Variants in KCNH1 observed in about 807,000 individuals in gnomAD.
KCNH1 encodes voltage-gated delayed rectifier potassium channel KCNH1.
A neutral mutation model predicts 69.2 loss-of-function variants in KCNH1; 27 were observed. The ratio of observed to expected loss-of-function variants is 0.39; its 90% CI spans 0.29 to 0.54. The LOEUF (loss-of-function observed/expected upper bound fraction) is 0.54, where lower values mean the gene tolerates loss of function less well. Ranked by LOEUF, KCNH1 falls within the 20% of genes least tolerant of loss-of-function variation. The pLI is 0.68. For missense variants in KCNH1, 798 were observed against 1,261.6 expected, an observed-to-expected ratio of 0.63 and a Z score of 5.57; for synonymous variants, 456 against 487.7, an observed-to-expected ratio of 0.93 and a Z score of 0.86.
At chr1:210,713,158 G>A (rs1205357209) in intron 10 of KCNH1, among the ~76,000 whole-genome samples, 1 of 152,104 alleles carries the variant, frequency 6.6e-6, no homozygotes, top group Non-Finnish European at 1.5e-5. Context: ...AAAGATGCTC[G>A]CTTAGATGCA....
At chr1:210,950,762 C>T (rs1049272572) in intron 6 of KCNH1, among the ~76,000 whole-genome samples, 4 of 152,144 alleles carry the variant, frequency 2.6e-5, no homozygotes, top group Non-Finnish European at 5.9e-5. Context: ...TATATCATCT[C>T]ATTTTATCAT....
intron 9 of KCNH1, among the ~76,000 whole-genome samples, chr1:210,788,712 T>C (rs1191825897): frequency 1.0e-5 from 1 of 100,044 alleles, no homozygotes; most frequent in Non-Finnish European, 2.1e-5. Context: ...TTTTTTTTTT[T>C]TTGAGACGGA....
chr1:210,723,978 C>T (rs1425113999), intron 10 of KCNH1, among the ~76,000 whole-genome samples: 5 of 152,032 alleles, frequency 3.3e-5, no homozygotes, highest in African/African-American at 1.2e-4. Context: ...CCACTGTGGC[C>T]GGGGAAAGAG....
rs555041946 is a variant in KCNH1, at chr1:210,725,115, G to T, written c.2113-40977C>A. The stretch of plus-strand genomic sequence containing the variant: ...TCAATTAACCCTTTCTTCTATGTCA[G>T]ACTGTGGCTTCTAACTGCATTAAGA... On this transcript the variant is annotated intron_variant, in intron 10 of 10. Transcript: ENST00000271751. 2.6e-5 allele frequency among the ~76,000 whole-genome samples: 4 copies of T among 152,302 alleles called. No homozygotes were observed. The East Asian group carries it at 7.7e-4, about 29-fold the overall frequency.
chr1:210,806,227 GT>G (rs1295550189), intron 7 of KCNH1, among the ~76,000 whole-genome samples: 74 of 152,234 alleles, frequency 4.9e-4, no homozygotes, highest in African/African-American at 1.7e-3. Flanking sequence ...ATTAACAATT[GT>G]TATTGTGTCT....
At chr1:210,819,432 G>A (rs1684881776) in intron 7 of KCNH1, among the ~76,000 whole-genome samples, 2 of 152,110 alleles carry the variant, frequency 1.3e-5, no homozygotes, top group South Asian at 2.1e-4. Context: ...GGAGGGAAGC[G>A]AGCCTTCACA....
intron 10 of KCNH1, among the ~76,000 whole-genome samples, chr1:210,685,472 C>T (rs375225277): frequency 6.6e-6 from 1 of 152,160 alleles, no homozygotes; most frequent in Non-Finnish European, 1.5e-5. Flanking sequence ...GGGAGGCACA[C>T]GTGGTGGCAT....
At chr1:211,017,165 T>A (rs746992882) in intron 6 of KCNH1, among the ~76,000 whole-genome samples, 27 of 152,072 alleles carry the variant, frequency 1.8e-4, no homozygotes, top group Non-Finnish European at 3.7e-4. Context: ...CAGCTCTACA[T>A]TGGCAGCATT....
chr1:210,980,468 G>C (rs1268194424), intron 6 of KCNH1, among the ~76,000 whole-genome samples: 1 of 152,096 alleles, frequency 6.6e-6, no homozygotes, highest in Non-Finnish European at 1.5e-5. Flanking sequence ...GCACTAACAG[G>C]AAACAATCAA....
In KCNH1 at chr1:210,679,310, G is replaced by A. The variant is rs959182595; in HGVS notation, c.*3971C>T. The A allele has an allele frequency of 3.3e-5, 5 of 152,218 alleles. No individual in the cohort carries two copies. Among genetic ancestry groups the A allele is most frequent in the Non-Finnish European group, 7.3e-5 (5 of 68,066 alleles). The allele number at this position is 152,218 out of a possible 1,614,324, so 9.4% of individuals were successfully genotyped here. A position where few individuals can be genotyped will look rare whatever the true frequency, so the allele number is the denominator to read the frequency against. ...TCTTTAAGCAACACTAGGTGATAAG[G>A]GAGGAGAGAGGAAGGGGCATTGGCA... On this transcript the variant is annotated 3_prime_UTR_variant, in exon 11 of 11. Transcript: ENST00000271751.
intron 5 of KCNH1, among the ~76,000 whole-genome samples, chr1:211,028,194 C>T (rs923113752): frequency 1.3e-5 from 2 of 151,966 alleles, no homozygotes; most frequent in Admixed American, 6.5e-5. Flanking sequence ...AATATCCAAA[C>T]ACTTGAAAAC....
chr1:210,721,708 C>T (rs572134505), intron 10 of KCNH1, among the ~76,000 whole-genome samples: 9 of 152,008 alleles, frequency 5.9e-5, no homozygotes, highest in East Asian at 1.9e-4. Flanking sequence ...TGTTAAATGA[C>T]GAGTTAATGG....
At chr1:211,058,721 G>A (rs1164109255) in intron 5 of KCNH1, among the ~76,000 whole-genome samples, 1 of 151,978 alleles carries the variant, frequency 6.6e-6, no homozygotes, top group Non-Finnish European at 1.5e-5. Context: ...CAAAATGGCA[G>A]AAGTCCTTAC....
At chr1:211,082,938 A>T (rs1690884483) in intron 4 of KCNH1, 40 bp from the exon 5 acceptor site, 1 of 1,513,298 alleles carries the variant, frequency 6.6e-7, no homozygotes, top group Non-Finnish European at 9.1e-7. Flanking sequence ...GGTCAACCAC[A>T]TCCCAAAGGT....
intron 10 of KCNH1, among the ~76,000 whole-genome samples, chr1:210,749,640 C>T (rs1683237348): frequency 6.6e-6 from 1 of 152,088 alleles, no homozygotes; most frequent in Admixed American, 6.6e-5. Context: ...TTAAGAGACA[C>T]CAGTTTATAG....
chr1:210,968,986 G>C (rs1368715728), intron 6 of KCNH1, among the ~76,000 whole-genome samples: 1 of 151,964 alleles, frequency 6.6e-6, no homozygotes, highest in Non-Finnish European at 1.5e-5. Flanking sequence ...CTTTTATCAG[G>C]AAATGTTTTT....
At chr1:210,989,421 T>C (rs998826890) in intron 6 of KCNH1, among the ~76,000 whole-genome samples, 1 of 152,172 alleles carries the variant, frequency 6.6e-6, no homozygotes, top group Non-Finnish European at 1.5e-5. Flanking sequence ...CGCAAACCAG[T>C]GTTAGAATCT....
rs1691918211 is a variant in KCNH1, at chr1:211,133,655, G to A, written c.79+212C>T. 6.6e-6 allele frequency among the ~76,000 whole-genome samples: 1 copy of A among 152,096 alleles called. No individual in the cohort carries two copies. Among genetic ancestry groups the A allele is most frequent in the South Asian group, 2.1e-4 (1 of 4,826 alleles). On this transcript the variant is annotated intron_variant, in intron 1 of 10. Transcript: ENST00000271751. This position sits in a 1 kb window ranked among gnomAD's most constrained non-coding sequence, Gnocchi z 5.4. ...AAAGGCCCAAAAGGCGTCCCCAGAA[G>A]AGCTCTCCTGTTAGGATGGGGACCC...
At chr1:210,836,296 C>T (rs1207582566) in intron 7 of KCNH1, among the ~76,000 whole-genome samples, 1 of 152,000 alleles carries the variant, frequency 6.6e-6, no homozygotes, top group Non-Finnish European at 1.5e-5. Context: ...GGTAATAGAA[C>T]TGGAAAGTGC....
Sources: allele counts gnomAD v4.1 joint callset (sites outside exome capture counted in the v4.1 genomes callset), GRCh38; gene constraint gnomAD v4.1.1; non-coding constraint Gnocchi (gnomAD v3.1); transcripts MANE v1.5; gene names NCBI Gene and HGNC (gene_info 2026-07-23, HGNC 2026-07-21).